The following RBFOX1 variants were observed in gnomAD, a reference collection of about 807,000 sequenced individuals.
RBFOX1 encodes the protein RNA binding fox-1 homolog 1, also known as RNA binding protein fox-1 homolog 1.
Under a neutral mutation model 57.7 loss-of-function variants are expected in RBFOX1, and 8 were observed. That is an observed-to-expected ratio of 0.14 (90% CI 0.08 to 0.25). The LOEUF (loss-of-function observed/expected upper bound fraction) is 0.25, where lower values mean the gene tolerates loss of function less well. RBFOX1 is among the 10% of genes least tolerant of loss of function. RBFOX1 has a pLI of 1.00. For missense variants in RBFOX1, 611 were observed against 548.5 expected (o/e 1.11, Z -1.14); for synonymous variants, 326 against 222.4 (o/e 1.47, Z -4.15).
At chr16:6,100,126 C>G (rs373716906) in intron 1 of RBFOX1, among the ~76,000 whole-genome samples, 15 of 151,946 alleles carry the variant, frequency 9.9e-5, no homozygotes, top group African/African-American at 3.4e-4. Flanking sequence ...GTGATGCAGG[C>G]TTATTGCATT....
At chr16:5,803,912 C>G (rs570205777) in intron 3 of RBFOX1, among the ~76,000 whole-genome samples, 2 of 152,306 alleles carry the variant, frequency 1.3e-5, no homozygotes, top group South Asian at 2.1e-4. Context: ...ATATACTGCT[C>G]TCTCTGCCTG....
At chr16:7,261,804 C>A (rs1395693701) in intron 4 of RBFOX1, among the ~76,000 whole-genome samples, 3 of 152,140 alleles carry the variant, frequency 2.0e-5, no homozygotes, top group Admixed American at 2.0e-4. Flanking sequence ...CCCTGGAGAG[C>A]TTTGAAAGCA....
intron 4 of RBFOX1, among the ~76,000 whole-genome samples, chr16:5,929,087 C>G (rs925886589): frequency 6.6e-6 from 1 of 150,992 alleles, no homozygotes; most frequent in Non-Finnish European, 1.5e-5. Context: ...CAGTCCAGAC[C>G]GACTGGCTTG....
chr16:6,831,811 G>A (rs2092727797), intron 3 of RBFOX1, among the ~76,000 whole-genome samples: 1 of 152,258 alleles, frequency 6.6e-6, no homozygotes, highest in South Asian at 2.1e-4. Context: ...ACAAGACCCA[G>A]CACTTGGGGA....
chr16:5,787,046 G>C (rs746300578), intron 3 of RBFOX1, among the ~76,000 whole-genome samples: 2 of 152,192 alleles, frequency 1.3e-5, no homozygotes, highest in African/African-American at 4.8e-5. Flanking sequence ...TGAGGCAGGA[G>C]AATTGCTTAA....
intron 2 of RBFOX1, among the ~76,000 whole-genome samples, chr16:6,588,560 G>A (rs1206309668): frequency 4.6e-5 from 7 of 152,082 alleles, no homozygotes; most frequent in Non-Finnish European, 2.9e-5. Flanking sequence ...GCTGAGGCTG[G>A]AGAATCGCTT....
At chr16:7,569,185 T>C (rs4786183) in intron 5 of RBFOX1, among the ~76,000 whole-genome samples, 61,024 of 152,032 alleles carry the variant, frequency 0.4, 12,728 homozygotes, top group Non-Finnish European at 0.44. Flanking sequence ...GCAATAGTTT[T>C]CTTTTGCTGT....
intron 1 of RBFOX1, among the ~76,000 whole-genome samples, chr16:6,035,919 C>G (rs917609055): frequency 1.6e-4 from 24 of 152,210 alleles, no homozygotes; most frequent in Admixed American, 1.6e-3. Context: ...AATGTCTATT[C>G]TTAAAGCATT....
intron 4 of RBFOX1, among the ~76,000 whole-genome samples, chr16:7,156,910 T>C (rs2077266967): frequency 6.6e-6 from 1 of 152,324 alleles, no homozygotes. Flanking sequence ...TTTATCCGTT[T>C]ACATTCCTAT....
At chr16:6,237,201 C>T (rs755941381) in intron 1 of RBFOX1, among the ~76,000 whole-genome samples, 3 of 152,136 alleles carry the variant, frequency 2.0e-5, no homozygotes, top group African/African-American at 7.2e-5. Context: ...CTATAAATTT[C>T]GTTAGGTATT....
intron 3 of RBFOX1, among the ~76,000 whole-genome samples, chr16:5,722,724 T>A (rs1328066792): frequency 1.3e-5 from 2 of 152,232 alleles, no homozygotes; most frequent in East Asian, 3.9e-4. Context: ...TCAGGCTTCA[T>A]GGATACCATT....
At chr16:7,406,748 C>G (rs1327075676) in intron 4 of RBFOX1, among the ~76,000 whole-genome samples, 1 of 152,186 alleles carries the variant, frequency 6.6e-6, no homozygotes, top group Non-Finnish European at 1.5e-5. Context: ...CAGAGTGACT[C>G]TCTTAGCGTT....
chr16:7,077,113 A>G (rs1341434564), intron 4 of RBFOX1, among the ~76,000 whole-genome samples: 2 of 152,206 alleles, frequency 1.3e-5, no homozygotes, highest in Non-Finnish European at 2.9e-5. Flanking sequence ...TTTTCTGCCC[A>G]GAAATCTCTT....
At chr16:6,769,906 C>T (rs74791143) in intron 3 of RBFOX1, among the ~76,000 whole-genome samples, 2,026 of 152,252 alleles carry the variant, frequency 0.013, 47 homozygotes, top group African/African-American at 0.047. Context: ...ATTTATTTCT[C>T]ATAAGTCTGT....
intron 3 of RBFOX1, among the ~76,000 whole-genome samples, chr16:5,815,899 T>C (rs1435356952): frequency 1.3e-5 from 2 of 152,134 alleles, no homozygotes; most frequent in Non-Finnish European, 2.9e-5. Flanking sequence ...CTGCGTTAGG[T>C]TTGAAATCCA....
intron 4 of RBFOX1, among the ~76,000 whole-genome samples, chr16:7,375,484 T>C (rs1272691222): frequency 1.3e-5 from 2 of 151,966 alleles, no homozygotes; most frequent in African/African-American, 4.8e-5. Context: ...CTCCCATGTG[T>C]TACGAGAGGT....
chr16:7,464,779 C>G (rs575481288), intron 4 of RBFOX1, among the ~76,000 whole-genome samples: 2 of 147,084 alleles, frequency 1.4e-5, no homozygotes, highest in African/African-American at 5.1e-5. Context: ...TCACTTCAAG[C>G]TCCGCCTCCC....
intron 4 of RBFOX1, among the ~76,000 whole-genome samples, chr16:7,288,175 C>T (rs779974591): frequency 1.3e-5 from 2 of 152,140 alleles, no homozygotes; most frequent in African/African-American, 4.8e-5. Context: ...CCTGGGGAAG[C>T]GGCACCTACC....
rs113563717 is a variant in RBFOX1, at chr16:7,028,164, G to T, written c.-15-23893G>T. Among the ~76,000 whole-genome samples the T allele has an allele frequency of 7.7e-3, 1,169 of 152,182 alleles. 4 individuals are homozygous for T. Among genetic ancestry groups the T allele is most frequent in the Non-Finnish European group, 0.013 (885 of 68,006 alleles). ...AAGTCAAGGTCCAATATAATAATTG[G>T]CTTACAGATTTGAAGAAGGATAGAT... is the stretch of plus-strand genomic sequence containing the variant. On this transcript the variant is annotated intron_variant, in intron 3 of 15. Transcript: ENST00000550418.
Sources: gnomAD v4.1 joint callset for allele counts (sites outside exome capture counted in the v4.1 genomes callset) on GRCh38, gnomAD v4.1.1 for gene constraint, MANE v1.5 for transcripts, NCBI Gene and HGNC (gene_info 2026-07-23, HGNC 2026-07-21) for gene names.